Variants in ZNF883 observed in about 807,000 individuals in gnomAD.
The protein encoded by ZNF883 is zinc finger protein 883.
chr9:113,003,335 A>AG (rs1828444423), intron 2 of ZNF883, among the ~76,000 whole-genome samples: 1 of 152,138 alleles, frequency 6.6e-6, no homozygotes, highest in African/African-American at 2.4e-5. Context: ...CATGATTATG[A>AG]GGCCTTCCCA....
chr9:112,997,669 G>C (rs757654383), exon 1 of ZNF883: 2 of 1,611,216 alleles, frequency 1.2e-6, no homozygotes, highest in South Asian at 1.1e-5. Flanking sequence ...TCTGATGTCG[G>C]ATTAGTGATG....
At chr9:113,010,009 T>C (rs770922213) in intron 2 of ZNF883, among the ~76,000 whole-genome samples, 1 of 152,240 alleles carries the variant, frequency 6.6e-6, no homozygotes. Flanking sequence ...TTTACTGGAA[T>C]GTAACCTCAT....
intron 2 of ZNF883, among the ~76,000 whole-genome samples, chr9:113,007,414 A>G (rs546918575): frequency 2.0e-5 from 3 of 152,274 alleles, no homozygotes; most frequent in South Asian, 4.2e-4. Flanking sequence ...TAACTCCCCA[A>G]AATATGACTG....
At chr9:112,992,486 CCTTT>C (rs1243058712), downstream of ZNF883, among the ~76,000 whole-genome samples, 6 of 152,150 alleles carry the variant, frequency 3.9e-5, no homozygotes, top group African/African-American at 1.4e-4. Flanking sequence ...GGTCACCTGG[CCTTT>C]CTTTCTGGCT....
chr9:112,994,787 G>A (rs1828333576), downstream of ZNF883, among the ~76,000 whole-genome samples: 1 of 151,054 alleles, frequency 6.6e-6, no homozygotes, highest in African/African-American at 2.4e-5. Flanking sequence ...CATTTTAGTA[G>A]TTCTAATTGG....
exon 1 of ZNF883, chr9:112,998,054 T>C: frequency 6.2e-7 from 1 of 1,613,990 alleles, no homozygotes; most frequent in Non-Finnish European, 8.5e-7. Context: ...ATTACATTCA[T>C]AAGGTTTCTC....
chr9:112,991,459 T>C (rs1828301947), intron 1 of ZNF883, among the ~76,000 whole-genome samples: 1 of 147,584 alleles, frequency 6.8e-6, no homozygotes, highest in Non-Finnish European at 1.5e-5. Flanking sequence ...GTGTGATTTA[T>C]GATTTCAGTT....
At chr9:113,003,874 T>A (rs1828450285) in intron 2 of ZNF883, among the ~76,000 whole-genome samples, 1 of 152,216 alleles carries the variant, frequency 6.6e-6, no homozygotes, top group Admixed American at 6.5e-5. Context: ...ATGAGAAGAC[T>A]TAATATTGTA....
chr9:112,997,109 T>C (rs1828366238), downstream of ZNF883: 1 of 1,576,190 alleles, frequency 6.3e-7, no homozygotes, highest in African/African-American at 1.3e-5. Context: ...CTGCAGGCTT[T>C]CCCACACTCA....
chr9:112,999,464 C>A (rs1444742716), upstream of ZNF883, among the ~76,000 whole-genome samples: 1 of 152,094 alleles, frequency 6.6e-6, no homozygotes, highest in Non-Finnish European at 1.5e-5. Flanking sequence ...CCAACACTAC[C>A]TACCTGGAGT....
exon 1 of ZNF883, chr9:112,998,189 C>A: frequency 6.2e-7 from 1 of 1,613,740 alleles, no homozygotes; most frequent in Non-Finnish European, 8.5e-7. Flanking sequence ...GGATGCAAGA[C>A]AAGTGTAGCC....
At chr9:113,009,138 G>T (rs1259750922) in intron 2 of ZNF883, among the ~76,000 whole-genome samples, 1 of 152,132 alleles carries the variant, frequency 6.6e-6, no homozygotes, top group Non-Finnish European at 1.5e-5. Context: ...TTTAAACTAA[G>T]TCAAGTTATG....
chr9:112,991,541 C>T (rs549196929), intron 1 of ZNF883, among the ~76,000 whole-genome samples: 10 of 151,870 alleles, frequency 6.6e-5, no homozygotes, highest in African/African-American at 2.2e-4. Flanking sequence ...ATTGCGGCAC[C>T]GAGAAGAATG....
At chr9:112,997,077 G>A (rs1048521984), downstream of ZNF883, 7 of 1,505,738 alleles carry the variant, frequency 4.6e-6, no homozygotes, top group Admixed American at 4.5e-5. Context: ...GTGCTCAGGT[G>A]TAAACAATAA....
downstream of ZNF883, among the ~76,000 whole-genome samples, chr9:112,993,964 C>T (rs1040164407): frequency 1.3e-5 from 2 of 152,222 alleles, no homozygotes; most frequent in African/African-American, 4.8e-5. Flanking sequence ...CTACCGGGAA[C>T]TCAAGTCATC....
At chr9:112,997,327 A>G in exon 1 of ZNF883, 1 of 1,614,126 alleles carries the variant, frequency 6.2e-7, no homozygotes, top group Non-Finnish European at 8.5e-7. Flanking sequence ...GCGTCCTCTG[A>G]TGTCGAATTA....
exon 1 of ZNF883, chr9:112,997,405 T>C (rs778543490): frequency 1.2e-6 from 2 of 1,613,844 alleles, no homozygotes; most frequent in African/African-American, 2.7e-5. Flanking sequence ...AAGAATGAAT[T>C]TTTAGATGTT....
At chr9:112,991,486 A>C (rs201245668) in intron 1 of ZNF883, among the ~76,000 whole-genome samples, 5 of 77,058 alleles carry the variant, frequency 6.5e-5, no homozygotes, top group Non-Finnish European at 1.2e-4. Context: ...CATTTACTGA[A>C]GAGTGTTTTA....
exon 1 of ZNF883, chr9:112,998,068 A>G (rs1828382823): frequency 2.5e-6 from 4 of 1,614,008 alleles, no homozygotes; most frequent in Non-Finnish European, 3.4e-6. Flanking sequence ...GTTTCTCTCC[A>G]GTATGTATTC....
Sources: gnomAD v4.1 joint callset for allele counts (sites outside exome capture counted in the v4.1 genomes callset) on GRCh38, gnomAD v4.1.1 for gene constraint, MANE v1.5 for transcripts, NCBI Gene and HGNC (gene_info 2026-07-23, HGNC 2026-07-21) for gene names.